Variants in FTO observed in about 807,000 individuals in gnomAD.
FTO encodes the protein alpha-ketoglutarate-dependent dioxygenase FTO.
Under a neutral mutation model 63.9 loss-of-function variants are expected in FTO, and 47 were observed. That is an observed-to-expected ratio of 0.74 (90% confidence interval 0.58 to 0.94). The LOEUF (loss-of-function observed/expected upper bound fraction) is 0.94. Ranked by LOEUF, FTO falls within the 40% of genes least tolerant of loss-of-function variation. The probability of loss-of-function intolerance (pLI) is 0.00; values close to 1 mark genes in which losing one functional copy is unlikely to be tolerated. For synonymous variants in FTO, 207 were observed against 224.4 expected (o/e 0.92, Z 0.69); for missense variants, 562 against 618.1 (o/e 0.91, Z 0.96).
chr16:53,987,205 A>C (rs1403261269), intron 8 of FTO, among the ~76,000 whole-genome samples: 1 of 152,172 alleles, frequency 6.6e-6, no homozygotes, highest in Non-Finnish European at 1.5e-5. Flanking sequence ...TATTTTTTGA[A>C]AATTAAAAAA....
At chr16:54,034,982 G>A (rs545004915) in intron 8 of FTO, among the ~76,000 whole-genome samples, 1 of 152,240 alleles carries the variant, frequency 6.6e-6, no homozygotes, top group African/African-American at 2.4e-5. Flanking sequence ...AATAAATAGG[G>A]GTTGGGATTA....
chr16:53,972,660 T>C (rs369352187), intron 8 of FTO, among the ~76,000 whole-genome samples: 3 of 152,206 alleles, frequency 2.0e-5, no homozygotes, highest in African/African-American at 4.8e-5. Flanking sequence ...GACTCAAATG[T>C]TGGTGGATAA....
intron 1 of FTO, among the ~76,000 whole-genome samples, chr16:53,755,796 C>T (rs2076910325): frequency 6.6e-6 from 1 of 152,138 alleles, no homozygotes; most frequent in South Asian, 2.1e-4. Context: ...CCCTTTGCTT[C>T]TTAGGCCCTT....
chr16:53,737,685 T>C (rs912708329), intron 1 of FTO, among the ~76,000 whole-genome samples: 4 of 152,180 alleles, frequency 2.6e-5, no homozygotes, highest in Non-Finnish European at 5.9e-5. Context: ...AGCCATCACT[T>C]ATTTTGCCTG....
At chr16:54,007,576 TCAG>T (rs2084239727) in intron 8 of FTO, among the ~76,000 whole-genome samples, 1 of 152,228 alleles carries the variant, frequency 6.6e-6, no homozygotes, top group Non-Finnish European at 1.5e-5. Context: ...TATTAATAGA[TCAG>T]AAGTCACAAG....
At chr16:53,741,057 A>T (rs2151539574) in intron 1 of FTO, among the ~76,000 whole-genome samples, 1 of 152,342 alleles carries the variant, frequency 6.6e-6, no homozygotes. Flanking sequence ...AGTAACAGTA[A>T]CATTTTGTCA....
chr16:54,071,158 G>A (rs995383365), intron 8 of FTO: 1 of 152,212 alleles, frequency 6.6e-6, no homozygotes, highest in African/African-American at 2.4e-5. Flanking sequence ...CCTCTCTTCT[G>A]CCTGTTAGGG....
intron 8 of FTO, among the ~76,000 whole-genome samples, chr16:53,985,372 G>T (rs1359666078): frequency 6.6e-6 from 1 of 152,162 alleles, no homozygotes. Flanking sequence ...TCTCATCTCA[G>T]ATACCCGCAT....
intron 1 of FTO, among the ~76,000 whole-genome samples, chr16:53,771,180 G>C (rs12447107): frequency 0.1 from 15,532 of 152,076 alleles, 1,952 homozygotes; most frequent in African/African-American, 0.3. Flanking sequence ...AATCTCCAGA[G>C]AAGGAAGGAA....
intron 1 of FTO, among the ~76,000 whole-genome samples, chr16:53,788,442 A>C (rs2077808950): frequency 6.6e-6 from 1 of 151,920 alleles, no homozygotes; most frequent in African/African-American, 2.4e-5. Flanking sequence ...GTCTCTACTA[A>C]AAATACAAAA....
At chr16:54,070,594 T>A (rs2144448028) in intron 8 of FTO, 1 of 152,302 alleles carries the variant, frequency 6.6e-6, no homozygotes, top group East Asian at 1.9e-4. Context: ...ATGCGTTTCT[T>A]ACTTATAGGG....
chr16:53,934,110 G>C lies in FTO; in HGVS notation c.1364+1G>C. 1.2e-6 allele frequency: 2 copies of C among 1,614,118 alleles called. No homozygotes were observed. The highest frequency in any genetic ancestry group is 1.7e-6 in the Non-Finnish European group (2 of 1,179,962). On this transcript the variant is annotated splice_donor_variant, in intron 8 of 8. Transcript: ENST00000471389. LOFTEE classifies it high-confidence loss of function. ...ACCTGAGGAGAGAATGGCATGCCAG[G>C]TTAGTTCTGTTGTGAAATGGGATTT... is the stretch of plus-strand genomic sequence containing the variant.
chr16:54,049,793 CTT>C, intron 8 of FTO, among the ~76,000 whole-genome samples: 1 of 152,278 alleles, frequency 6.6e-6, no homozygotes, highest in East Asian at 1.9e-4. Context: ...TTCATGGGCT[CTT>C]TTCCCAGGAT....
chr16:53,988,582 A>C (rs1599152297), intron 8 of FTO, among the ~76,000 whole-genome samples: 1 of 152,202 alleles, frequency 6.6e-6, no homozygotes, highest in South Asian at 2.1e-4. Flanking sequence ...TTGAGCACCT[A>C]CTATGTGCCA....
Position 53,791,612 on chromosome 16 carries a change from GACTATTT to G in FTO, c.46-18524_46-18518del, listed in dbSNP as rs1393848570. Among the ~76,000 whole-genome samples, 4 of 152,262 alleles carry G rather than the reference GACTATTT, an allele frequency of 2.6e-5. No homozygotes were observed. The East Asian group carries it at 7.7e-4, about 29-fold the overall frequency. ...TGCAGAGGAATAACTTTATTACAAT[GACTATTT>G]ACTTTTTATAAGACAATCCAGCAAT... On this transcript the variant is annotated intron_variant, in intron 1 of 8. Coordinates refer to ENST00000471389, the MANE Select transcript of FTO (RefSeq NM_001080432.3).
At chr16:53,997,593 G>T (rs974317052) in intron 8 of FTO, among the ~76,000 whole-genome samples, 1 of 151,602 alleles carries the variant, frequency 6.6e-6, no homozygotes, top group Admixed American at 6.6e-5. Flanking sequence ...GAGTGGGGGG[G>T]TGGTGCAGTA....
chr16:53,789,840 TCCAG>T, intron 1 of FTO, among the ~76,000 whole-genome samples: 1 of 148,618 alleles, frequency 6.7e-6, no homozygotes, highest in East Asian at 2.0e-4. Context: ...GTATGTATAT[TCCAG>T]ACAAATTATA....
chr16:54,091,176 T>A (rs896582686), intron 8 of FTO, among the ~76,000 whole-genome samples: 1 of 152,174 alleles, frequency 6.6e-6, no homozygotes, highest in South Asian at 2.1e-4. Context: ...CATGGACATA[T>A]GCATGGAACA....
chr16:53,902,741 T>C (rs905996383), intron 7 of FTO, among the ~76,000 whole-genome samples: 2 of 152,218 alleles, frequency 1.3e-5, no homozygotes, highest in African/African-American at 2.4e-5. Context: ...CTGAGCCAGA[T>C]CTTTCACATG....
Sources: gnomAD v4.1 joint callset for allele counts (sites outside exome capture counted in the v4.1 genomes callset) on GRCh38, gnomAD v4.1.1 for gene constraint, MANE v1.5 for transcripts, NCBI Gene and HGNC (gene_info 2026-07-23, HGNC 2026-07-21) for gene names.